The following DCC variants were observed in gnomAD, a reference collection of about 807,000 sequenced individuals.
The protein encoded by DCC is netrin receptor DCC.
DCC carries 58 observed loss-of-function variants against 172.5 expected under a neutral mutation model. The observed-to-expected ratio is 0.34, with a 90% CI of 0.27 to 0.42. The LOEUF is 0.42. Ranked by LOEUF, DCC falls within the 10% of genes least tolerant of loss-of-function variation. The probability of loss-of-function intolerance (pLI) is 1.00; values close to 1 mark genes in which losing one functional copy is unlikely to be tolerated. For missense variants in DCC, 1,740 were observed against 1,791.0 expected, an observed-to-expected ratio of 0.97 and a Z score of 0.51; for synonymous variants, 709 against 644.5, an observed-to-expected ratio of 1.10 and a Z score of -1.52.
intron 1 of DCC, among the ~76,000 whole-genome samples, chr18:52,622,661 A>C (rs2034501113): frequency 6.6e-6 from 1 of 152,124 alleles, no homozygotes; most frequent in Non-Finnish European, 1.5e-5. Flanking sequence ...CTCTGTCAGC[A>C]AGATCCCAGG....
Position 53,510,087 on chromosome 18 carries a change from T to A in DCC, c.4111+10577T>A, listed in dbSNP as rs567471765. Among the ~76,000 whole-genome samples the A allele has an allele frequency of 2.6e-5, 4 of 152,298 alleles. No individual in the cohort carries two copies. In the South Asian group the frequency reaches 8.3e-4, roughly 32 times the overall value. ...AGAGCCACCGCTGTCCATGGTATAT[T>A]TTCTCCAAAAGATGAGCTCCTGTGG... On this transcript the variant is annotated intron_variant, in intron 27 of 28. Transcript: ENST00000442544.
chr18:52,890,057 A>G (rs2039626134), intron 2 of DCC, among the ~76,000 whole-genome samples: 1 of 152,200 alleles, frequency 6.6e-6, no homozygotes, highest in African/African-American at 2.4e-5. Flanking sequence ...ACCAATAAAT[A>G]GCTGCTGATT....
chr18:52,511,136 C>T (rs890985340), intron 1 of DCC, among the ~76,000 whole-genome samples: 1 of 151,964 alleles, frequency 6.6e-6, no homozygotes, highest in Non-Finnish European at 1.5e-5. Context: ...ACAAAATTAG[C>T]TGGGCATGGT....
chr18:53,017,080 CTT>C (rs780984399), intron 5 of DCC, among the ~76,000 whole-genome samples: 8 of 131,264 alleles, frequency 6.1e-5, no homozygotes, highest in Admixed American at 7.8e-5. Flanking sequence ...TTTTTCTTTT[CTT>C]TTTTTTTTTT....
intron 5 of DCC, among the ~76,000 whole-genome samples, chr18:52,932,351 G>A (rs2040318693): frequency 6.6e-6 from 1 of 152,082 alleles, no homozygotes; most frequent in South Asian, 2.1e-4. Context: ...CTAGAGATTT[G>A]CCACTGCTTT....
rs138491026 is a variant in DCC, at chr18:53,370,010, T to C, written c.2360-16033T>C. On this transcript the variant is annotated intron_variant, in intron 15 of 28. Transcript: ENST00000442544. ...GAAGTGTTCCCTCCTCTTCAGTTTT[T>C]TGAAAGATTTTAAAAAGAACTGGTA... Among the ~76,000 whole-genome samples, 20 of 151,940 alleles carry C rather than the reference T, an allele frequency of 1.3e-4. 1 individual carries two copies. The East Asian group carries it at 3.7e-3, about 28-fold the overall frequency.
At position 53,530,836 on chromosome 18, in the gene DCC, C is replaced by G. The variant is rs1042045833; in HGVS notation, c.*183C>G. On this transcript the variant is annotated 3_prime_UTR_variant, in exon 29 of 29. Transcript: ENST00000442544. ...TAAGCATTCCTTCTTTCACAGGCAT[C>G]AGGAATTGTCAAATGATGATTATGA... is the stretch of plus-strand genomic sequence containing the variant. The G allele has an allele frequency of 1.5e-6, 1 of 657,962 alleles. No individual in the cohort carries two copies. The highest frequency in any genetic ancestry group is 1.8e-5 in the African/African-American group (1 of 55,760). The allele number at this position is 657,962 out of a possible 1,614,324, so 40.8% of individuals were successfully genotyped here. A position where few individuals can be genotyped will look rare whatever the true frequency, so the allele number is the denominator to read the frequency against.
chr18:52,460,197 C>T (rs1598836194), intron 1 of DCC, among the ~76,000 whole-genome samples: 1 of 152,272 alleles, frequency 6.6e-6, no homozygotes, highest in East Asian at 1.9e-4. Context: ...GTTTGTCATA[C>T]TGTTTCTAAC....
intron 1 of DCC, among the ~76,000 whole-genome samples, chr18:52,719,701 T>C (rs2145072942): frequency 6.6e-6 from 1 of 152,150 alleles, no homozygotes; most frequent in East Asian, 1.9e-4. Flanking sequence ...CAGCTTTTGA[T>C]GTGGGGTCTG....
chr18:53,292,892 C>T (rs1193003125), intron 12 of DCC, among the ~76,000 whole-genome samples: 1 of 152,056 alleles, frequency 6.6e-6, no homozygotes, highest in African/African-American at 2.4e-5. Flanking sequence ...TCATGTGAGG[C>T]CAAAGTGACT....
intron 7 of DCC, among the ~76,000 whole-genome samples, chr18:53,156,922 A>G (rs2054746637): frequency 6.6e-6 from 1 of 152,200 alleles, no homozygotes; most frequent in African/African-American, 2.4e-5. Flanking sequence ...TCTTTTACCA[A>G]AGACATTTTC....
intron 2 of DCC, among the ~76,000 whole-genome samples, chr18:52,796,563 T>C (rs1225010484): frequency 1.3e-5 from 2 of 152,180 alleles, no homozygotes; most frequent in Non-Finnish European, 2.9e-5. Context: ...TTTTCCTTCA[T>C]TTTTGAAAGA....
At chr18:53,021,725 T>G (rs994121917) in intron 5 of DCC, among the ~76,000 whole-genome samples, 1 of 152,204 alleles carries the variant, frequency 6.6e-6, no homozygotes, top group Non-Finnish European at 1.5e-5. Flanking sequence ...AGATGTACTG[T>G]AACAGAGAGA....
intron 5 of DCC, among the ~76,000 whole-genome samples, chr18:53,011,436 G>A (rs903271401): frequency 2.6e-5 from 4 of 151,224 alleles, no homozygotes; most frequent in African/African-American, 9.7e-5. Context: ...TTTTCAAAGG[G>A]ATATTTTTAC....
intron 15 of DCC, among the ~76,000 whole-genome samples, chr18:53,345,009 A>G (rs1323704917): frequency 6.6e-6 from 1 of 151,768 alleles, no homozygotes; most frequent in Non-Finnish European, 1.5e-5. Context: ...AGTCTCTGTC[A>G]CCACTCCTCA....
intron 1 of DCC, among the ~76,000 whole-genome samples, chr18:52,729,501 C>T (rs1394103667): frequency 6.6e-6 from 1 of 152,164 alleles, no homozygotes; most frequent in East Asian, 1.9e-4. Flanking sequence ...CTCAAATGAT[C>T]TACCTGCCTT....
chr18:53,368,966 TA>T (rs769348737), intron 15 of DCC, among the ~76,000 whole-genome samples: 14 of 151,944 alleles, frequency 9.2e-5, no homozygotes, highest in East Asian at 1.9e-4. Flanking sequence ...TTTTCTGTTC[TA>T]AAAAAAATCA....
chr18:52,987,861 T>A (rs888042943), intron 5 of DCC, among the ~76,000 whole-genome samples: 6 of 152,272 alleles, frequency 3.9e-5, no homozygotes, highest in African/African-American at 1.4e-4. Context: ...TCTGCACAAA[T>A]GTATTTCATA....
intron 5 of DCC, among the ~76,000 whole-genome samples, chr18:52,958,074 C>CA (rs1328146097): frequency 2.0e-5 from 3 of 151,668 alleles, no homozygotes; most frequent in African/African-American, 4.8e-5. Context: ...GGAAAGCACA[C>CA]AAAAAAAATG....
Sources: allele counts gnomAD v4.1 joint callset (sites outside exome capture counted in the v4.1 genomes callset), GRCh38; gene constraint gnomAD v4.1.1; transcripts MANE v1.5; gene names NCBI Gene and HGNC (gene_info 2026-07-23, HGNC 2026-07-21).